Variants in MAST4 observed in about 807,000 individuals in gnomAD.
MAST4 encodes microtubule-associated serine/threonine-protein kinase 4.
MAST4 carries 89 observed loss-of-function variants against 162.7 expected under a neutral mutation model. That is an observed-to-expected ratio of 0.55 (90% confidence interval 0.46 to 0.65). The LOEUF (loss-of-function observed/expected upper bound fraction) is 0.65, where lower values mean the gene tolerates loss of function less well. Ranked by LOEUF, MAST4 falls within the 30% of genes least tolerant of loss-of-function variation. The pLI is 0.00. For synonymous variants in MAST4, 1,479 were observed against 1,361.1 expected (o/e 1.09, Z -1.91); for missense variants, 3,153 against 3,374.0 (o/e 0.93, Z 1.62).
At chr5:66,921,191 A>G (rs535503338) in intron 4 of MAST4, among the ~76,000 whole-genome samples, 1 of 152,336 alleles carries the variant, frequency 6.6e-6, no homozygotes, top group African/African-American at 2.4e-5. Flanking sequence ...AAATGAATCA[A>G]CTAAGGTTAT....
intron 4 of MAST4, among the ~76,000 whole-genome samples, chr5:67,003,031 C>A (rs775944228): frequency 1.3e-5 from 2 of 151,128 alleles, no homozygotes; most frequent in Admixed American, 1.3e-4. Context: ...AATTATCCAG[C>A]CTATGTCAAC....
chr5:66,826,381 C>T (rs183570196), intron 3 of MAST4, among the ~76,000 whole-genome samples: 9 of 152,196 alleles, frequency 5.9e-5, no homozygotes, highest in Admixed American at 5.9e-4. Flanking sequence ...CTATTTATCA[C>T]TCCCACCACC....
intron 4 of MAST4, among the ~76,000 whole-genome samples, chr5:67,020,349 T>C (rs112033425): frequency 1.7e-3 from 265 of 152,344 alleles, no homozygotes; most frequent in African/African-American, 6.2e-3. Context: ...GTTGGAATTC[T>C]GGGAGCATGA....
chr5:66,686,472 A>C (rs1253697927), intron 1 of MAST4, among the ~76,000 whole-genome samples: 1 of 152,222 alleles, frequency 6.6e-6, no homozygotes, highest in Non-Finnish European at 1.5e-5. Context: ...AAAAACTGTC[A>C]TGAAACTAAA....
intron 1 of MAST4, among the ~76,000 whole-genome samples, chr5:66,750,435 G>C (rs1008154812): frequency 6.6e-6 from 1 of 152,208 alleles, no homozygotes; most frequent in Non-Finnish European, 1.5e-5. Flanking sequence ...GTCAGTGGGT[G>C]CGTGCACCGT....
chr5:67,078,018 G>T (rs775614386), intron 5 of MAST4, among the ~76,000 whole-genome samples: 22 of 152,250 alleles, frequency 1.4e-4, no homozygotes, highest in Non-Finnish European at 7.4e-5. Flanking sequence ...AGAATCGCTT[G>T]AACCTGGGAG....
Position 67,131,927 on chromosome 5 carries a change from T to A in MAST4, c.2069T>A (p.Val690Glu). The change falls in exon 16 of 29, where the codon GTA (valine) becomes GAA (glutamate). Residue 690 changes from valine (V) to glutamate (E), a missense_variant. Coordinates refer to ENST00000403625, the MANE Select transcript of MAST4 (RefSeq NM_001164664.2). ...GAATATTTACATAATTATGGAATTGTACACAGGGATTTGAAACCAGACAAG... is the reference window on the plus strand; with the variant it reads ...GAATATTTACATAATTATGGAATTGAACACAGGGATTTGAAACCAGACAAG... ...ALEYLHNYGIVHRDLKPDNLL... is the reference protein window; with the variant it reads ...ALEYLHNYGIEHRDLKPDNLL... 1 of 1,613,050 alleles carries A rather than the reference T, an allele frequency of 6.2e-7. No individual in the cohort carries two copies. Among genetic ancestry groups the A allele is most frequent in the Non-Finnish European group, 8.5e-7 (1 of 1,179,210 alleles).
chr5:66,759,719 T>C lies in MAST4; in HGVS notation c.374T>C (p.Ile125Thr). 6.2e-7 allele frequency: 1 copy of C among 1,613,864 alleles called. No individual in the cohort carries two copies. Among genetic ancestry groups the C allele is most frequent in the South Asian group, 1.1e-5 (1 of 91,054 alleles). Residue 125 changes from isoleucine to threonine, a missense_variant, in exon 2 of 29, where the codon ATA becomes ACA. Around this residue, in one of 7 missense-constraint regions of MAST4, gnomAD observed 327 missense variants for 336.5 expected, o/e 0.97. Coordinates refer to ENST00000403625, the MANE Select transcript of MAST4 (RefSeq NM_001164664.2). ...QEEQDEELDH[I>T]LSPPPMPFRK... ...TTCCTCTTTCTGCAGCTTGACCACA[T>C]ATTATCCCCTCCACCCATGCCGTTT... is the stretch of plus-strand genomic sequence containing the variant.
chr5:66,709,746 A>G (rs1750376090), intron 1 of MAST4, among the ~76,000 whole-genome samples: 1 of 152,192 alleles, frequency 6.6e-6, no homozygotes, highest in Non-Finnish European at 1.5e-5. Context: ...TTTTGGTCAA[A>G]TATTATAAAA....
At chr5:66,828,659 G>T in intron 3 of MAST4, 1 of 739,204 alleles carries the variant, frequency 1.4e-6, no homozygotes, top group Non-Finnish European at 2.2e-6. Flanking sequence ...CGAACTGCAA[G>T]CATCCGTGAT....
At position 66,829,864 on chromosome 5, in the gene MAST4, C is replaced by T. The variant is rs568058307; in HGVS notation, c.642+41070C>T. Among the ~76,000 whole-genome samples the T allele has an allele frequency of 5.1e-5, 7 of 137,070 alleles. No individual in the cohort carries two copies. In the South Asian group the frequency reaches 1.7e-3, roughly 34 times the overall value. The allele number at this position is 137,070 out of a possible 152,430, so 89.9% of individuals were successfully genotyped here. ...CATATTACTATAATATTAATATAGG[C>T]AACGAAAGGATTATTTGCAGCTAAA... On this transcript the variant is annotated intron_variant, in intron 3 of 28. Coordinates refer to ENST00000403625, the MANE Select transcript of MAST4 (RefSeq NM_001164664.2).
chr5:66,752,203 A>G (rs1339317124), intron 1 of MAST4, among the ~76,000 whole-genome samples: 2 of 152,224 alleles, frequency 1.3e-5, no homozygotes, highest in African/African-American at 2.4e-5. Context: ...GCAAAATGTA[A>G]AGACCGTCAA....
Position 67,166,279 on chromosome 5 carries a change from G to A in MAST4, c.7100G>A (p.Arg2367Lys). ...AGTCAGCCGGCCGCCAACACCGACA[G>A]AAGGGCGGAAGGGAAGAAATGCACT... Reference protein sequence around the residue: ...SPSQPAANTDRRAEGKKCTEA... With the variant: ...SPSQPAANTDKRAEGKKCTEA... Residue 2367 changes from arginine to lysine, a missense_variant, in exon 29 of 29, where the codon AGA becomes AAA. This residue lies in a region of MAST4 where 1,644 missense variants were observed against 1,495.0 expected (regional missense o/e 1.10). Transcript: ENST00000403625. 2 of 1,557,832 alleles carry A rather than the reference G, an allele frequency of 1.3e-6. No homozygotes were observed. Among genetic ancestry groups the A allele is most frequent in the Non-Finnish European group, 1.7e-6 (2 of 1,150,388 alleles).
intron 26 of MAST4, among the ~76,000 whole-genome samples, chr5:67,157,425 C>T (rs1254012488): frequency 6.6e-6 from 1 of 152,178 alleles, no homozygotes; most frequent in Non-Finnish European, 1.5e-5. Context: ...GATGTGCTGT[C>T]ATTTAAGCCC....
chr5:66,759,860 C>CTGG lies in MAST4; in HGVS notation c.517+1_517+3dup. On this transcript the variant is annotated inframe_insertion and splice_region_variant, in exon 2 of 29. Transcript: ENST00000403625. ...CGAGGGAGCCTGGGAGGAGCCCTGA[C>CTGG]TGGTGAGTCGCAGCGGCTTGGATGA... 1.9e-6 allele frequency: 3 copies of CTGG among 1,613,828 alleles called. No individual in the cohort carries two copies. Among genetic ancestry groups the CTGG allele is most frequent in the Non-Finnish European group, 2.5e-6 (3 of 1,179,824 alleles).
chr5:67,167,256 T>A lies in MAST4; in HGVS notation c.*205T>A, dbSNP rs1393823444. The A allele has an allele frequency of 3.9e-6, 1 of 258,046 alleles. No individual in the cohort carries two copies. The highest frequency in any genetic ancestry group is 6.4e-6 in the Non-Finnish European group (1 of 155,494). The allele number at this position is 258,046 out of a possible 1,614,324, so 16.0% of individuals were successfully genotyped here. On this transcript the variant is annotated 3_prime_UTR_variant, in exon 29 of 29. Transcript: ENST00000403625. ...AACCGGTAAAACTGTTACCAGATAG[T>A]GTTTGTACAAAAAAAAAAAAAAAAA...
At chr5:67,122,636 G>A (rs1417172380) in intron 14 of MAST4, among the ~76,000 whole-genome samples, 2 of 152,128 alleles carry the variant, frequency 1.3e-5, no homozygotes, top group Admixed American at 1.3e-4. Context: ...GATTTAATGG[G>A]TGTATGGGTT....
intron 11 of MAST4, among the ~76,000 whole-genome samples, chr5:67,113,110 G>A (rs1165486566): frequency 6.6e-6 from 1 of 152,010 alleles, no homozygotes; most frequent in Non-Finnish European, 1.5e-5. Flanking sequence ...TCAGGAGATC[G>A]AGACCATCCT....
At chr5:66,867,752 C>A (rs1463210210) in intron 3 of MAST4, among the ~76,000 whole-genome samples, 1 of 152,228 alleles carries the variant, frequency 6.6e-6, no homozygotes, top group African/African-American at 2.4e-5. Context: ...CAGCCAGCTC[C>A]CCTTGCAGTG....
Sources: allele counts gnomAD v4.1 joint callset (sites outside exome capture counted in the v4.1 genomes callset), GRCh38; gene constraint gnomAD v4.1.1; regional missense constraint gnomAD v4.1.1; transcripts MANE v1.5; gene names NCBI Gene and HGNC (gene_info 2026-07-23, HGNC 2026-07-21).